Variants in SLC8A1 observed in about 807,000 individuals in gnomAD.
SLC8A1 encodes the protein solute carrier family 8 member A1.
Under a neutral mutation model 68.3 loss-of-function variants are expected in SLC8A1, and 18 were observed. The ratio of observed to expected loss-of-function variants is 0.26; its 90% CI spans 0.18 to 0.39. SLC8A1 has a LOEUF of 0.39. Among genes scored for constraint, SLC8A1 ranks in the 10% least tolerant of loss-of-function variants. The pLI, the probability that SLC8A1 is intolerant of heterozygous loss-of-function variation, is 1.00. For synonymous variants in SLC8A1, 475 were observed against 415.5 expected (o/e 1.14, Z -1.74); for missense variants, 985 against 1,156.7 (o/e 0.85, Z 2.15).
At chr2:40,139,929 C>T (rs1461445883) in intron 6 of SLC8A1, among the ~76,000 whole-genome samples, 1 of 152,204 alleles carries the variant, frequency 6.6e-6, no homozygotes, top group Non-Finnish European at 1.5e-5. Flanking sequence ...TGCATCCATG[C>T]AATCAACACA....
At chr2:40,157,930 G>A (rs2044875800) in intron 6 of SLC8A1, among the ~76,000 whole-genome samples, 1 of 152,122 alleles carries the variant, frequency 6.6e-6, no homozygotes, top group South Asian at 2.1e-4. Context: ...GTCACAGGAG[G>A]CCCAAGTACT....
In SLC8A1 at chr2:40,108,042, C is replaced by T. The variant is rs898582989; in HGVS notation, c.*7211G>A. 5.9e-5 allele frequency: 9 copies of T among 152,244 alleles called. No individual in the cohort carries two copies. In the South Asian group the frequency reaches 8.3e-4, roughly 14 times the overall value. 9.4% of individuals were successfully genotyped at this position (152,244 alleles called of 1,614,324 possible). On this transcript the variant is annotated 3_prime_UTR_variant, in exon 8 of 8. Transcript: ENST00000406785. Reference sequence around the variant, plus strand: ...CCTTGTGGTTCATTTGGGCCAGACTCAAGCTCAGTATCCCATCTAATGCAT... The same window carrying T: ...CCTTGTGGTTCATTTGGGCCAGACTTAAGCTCAGTATCCCATCTAATGCAT...
chr2:40,348,442 A>C (rs1278974566), intron 2 of SLC8A1, among the ~76,000 whole-genome samples: 1 of 152,236 alleles, frequency 6.6e-6, no homozygotes, highest in African/African-American at 2.4e-5. Flanking sequence ...TTTAAATGCC[A>C]AACCCATACA....
At chr2:40,359,070 G>C (rs1673697930) in intron 2 of SLC8A1, among the ~76,000 whole-genome samples, 1 of 152,158 alleles carries the variant, frequency 6.6e-6, no homozygotes, top group African/African-American at 2.4e-5. Context: ...AACATACAAA[G>C]CTGGGCAGAA....
At chr2:40,270,871 G>C (rs1245812882) in intron 2 of SLC8A1, among the ~76,000 whole-genome samples, 1 of 152,126 alleles carries the variant, frequency 6.6e-6, no homozygotes, top group Admixed American at 6.6e-5. Flanking sequence ...AGGGAGTGAG[G>C]CTTCAGGCTA....
At chr2:40,414,218 TG>T (rs1453810970) in intron 2 of SLC8A1, among the ~76,000 whole-genome samples, 1 of 152,200 alleles carries the variant, frequency 6.6e-6, no homozygotes, top group Non-Finnish European at 1.5e-5. Context: ...GTGTTGATTT[TG>T]TTGGAAAACA....
chr2:40,396,326 G>C (rs980246880), intron 2 of SLC8A1, among the ~76,000 whole-genome samples: 3 of 152,148 alleles, frequency 2.0e-5, no homozygotes, highest in East Asian at 1.9e-4. Context: ...ATAGAAGTCA[G>C]GTGCTCAACT....
chr2:40,430,394 C>T, intron 1 of SLC8A1, 90 bp from the exon 2 acceptor site: 1 of 1,330,242 alleles, frequency 7.5e-7, no homozygotes, highest in Non-Finnish European at 1.0e-6. Context: ...ATTTTTATTA[C>T]TCTTACCAAA....
chr2:40,307,813 C>T (rs1167912447), intron 2 of SLC8A1, among the ~76,000 whole-genome samples: 1 of 152,088 alleles, frequency 6.6e-6, no homozygotes, highest in East Asian at 1.9e-4. Context: ...GGCATCATAA[C>T]CTTCCAGGGG....
At chr2:40,315,919 G>C (rs1163263550) in intron 2 of SLC8A1, among the ~76,000 whole-genome samples, 2 of 151,974 alleles carry the variant, frequency 1.3e-5, no homozygotes, top group African/African-American at 4.8e-5. Context: ...ACGGACCTGG[G>C]CATGCAACCA....
intron 2 of SLC8A1, among the ~76,000 whole-genome samples, chr2:40,350,384 G>C (rs1670679095): frequency 6.6e-6 from 1 of 151,932 alleles, no homozygotes; most frequent in African/African-American, 2.4e-5. Context: ...AGGAGGCTGA[G>C]GTGGGAGGAT....
intron 7 of SLC8A1, among the ~76,000 whole-genome samples, chr2:40,135,239 A>G (rs1260629771): frequency 6.6e-6 from 1 of 152,208 alleles, no homozygotes; most frequent in Non-Finnish European, 1.5e-5. Flanking sequence ...ATAAGAAGTT[A>G]CTGGAAGACT....
chr2:40,107,028 G>T (rs948931414), exon 8 of SLC8A1: 1 of 152,118 alleles, frequency 6.6e-6, no homozygotes, highest in African/African-American at 2.4e-5. Flanking sequence ...AAGATGATCA[G>T]TGTATATGAA....
chr2:40,498,975 C>G (rs553045822), intron 1 of SLC8A1, among the ~76,000 whole-genome samples: 3 of 151,960 alleles, frequency 2.0e-5, no homozygotes, highest in Non-Finnish European at 2.9e-5. Context: ...AATAAGAGCA[C>G]ATTCAAAGAA....
intron 2 of SLC8A1, among the ~76,000 whole-genome samples, chr2:40,221,928 TA>T (rs1440148533): frequency 6.6e-6 from 1 of 152,130 alleles, no homozygotes; most frequent in Non-Finnish European, 1.5e-5. Flanking sequence ...CAATATCATT[TA>T]AATGGCCATA....
chr2:40,509,381 G>C (rs1706563106), intron 1 of SLC8A1, among the ~76,000 whole-genome samples: 1 of 147,650 alleles, frequency 6.8e-6, no homozygotes, highest in Non-Finnish European at 1.5e-5. Flanking sequence ...TTACTATTCT[G>C]TCAGGGACCA....
At chr2:40,383,508 G>A (rs910987909) in intron 2 of SLC8A1, among the ~76,000 whole-genome samples, 1 of 152,168 alleles carries the variant, frequency 6.6e-6, no homozygotes, top group East Asian at 1.9e-4. Context: ...TATTTGCCAT[G>A]TGACAGACCT....
chr2:40,438,777 A>G (rs980871453), intron 1 of SLC8A1, among the ~76,000 whole-genome samples: 1 of 152,154 alleles, frequency 6.6e-6, no homozygotes, highest in Non-Finnish European at 1.5e-5. Flanking sequence ...CTATAATCAG[A>G]TACAGTTGAG....
At chr2:40,275,219 A>G (rs1187583112) in intron 2 of SLC8A1, among the ~76,000 whole-genome samples, 1 of 152,218 alleles carries the variant, frequency 6.6e-6, no homozygotes, top group African/African-American at 2.4e-5. Context: ...AGTAATCTGT[A>G]TATACCTTTG....
Sources: allele counts gnomAD v4.1 joint callset (sites outside exome capture counted in the v4.1 genomes callset), GRCh38; gene constraint gnomAD v4.1.1; transcripts MANE v1.5; gene names NCBI Gene and HGNC (gene_info 2026-07-23, HGNC 2026-07-21).